The following CPQ variants were observed in gnomAD, a reference collection of about 807,000 sequenced individuals.
The protein encoded by CPQ is Ser-Met dipeptidase.
In CPQ, 37 loss-of-function variants were observed where a neutral mutation model predicts 45.7. The observed-to-expected ratio is 0.81, with a 90% CI of 0.62 to 1.07. The LOEUF is 1.07. Ranked by LOEUF, CPQ falls within the 50% of genes least tolerant of loss-of-function variation. CPQ has a pLI of 0.00. For missense variants in CPQ, 537 were observed against 572.9 expected (o/e 0.94, Z 0.64); for synonymous variants, 186 against 205.8 (o/e 0.90, Z 0.82).
At chr8:97,012,805 G>A (rs1262886445) in intron 5 of CPQ, among the ~76,000 whole-genome samples, 1 of 151,880 alleles carries the variant, frequency 6.6e-6, no homozygotes, top group African/African-American at 2.4e-5. Flanking sequence ...CCTTAGCAAT[G>A]TGAGGTGCAT....
intron 4 of CPQ, among the ~76,000 whole-genome samples, chr8:96,942,843 G>A (rs532657772): frequency 7.9e-5 from 12 of 152,284 alleles, no homozygotes; most frequent in African/African-American, 2.9e-4. Context: ...GCCACACTTG[G>A]AAAAATTCAG....
chr8:97,107,525 A>G (rs1390669777), intron 7 of CPQ, among the ~76,000 whole-genome samples: 2 of 152,254 alleles, frequency 1.3e-5, no homozygotes, highest in East Asian at 3.8e-4. Context: ...GTCCACCCTA[A>G]GGAAGATGGA....
intron 4 of CPQ, among the ~76,000 whole-genome samples, chr8:96,889,537 A>T (rs1812346786): frequency 6.6e-6 from 1 of 152,172 alleles, no homozygotes; most frequent in African/African-American, 2.4e-5. Context: ...AGAGTTTATT[A>T]AGGAGAATTG....
chr8:96,720,491 G>C (rs1809747924), intron 1 of CPQ, among the ~76,000 whole-genome samples: 1 of 152,184 alleles, frequency 6.6e-6, no homozygotes. Context: ...TGCTTTGCTG[G>C]AATGGTTCTG....
At position 96,946,380 on chromosome 8, in the gene CPQ, T is replaced by C. The variant is rs188982287; in HGVS notation, c.850-19555T>C. ...GACTTCTAGATTTAATGTATCACAT[T>C]TCACTAATTGAAAGAAAATTATTAT... On this transcript the variant is annotated intron_variant, in intron 4 of 7. Coordinates refer to ENST00000220763, the MANE Select transcript of CPQ (RefSeq NM_016134.4). Among the ~76,000 whole-genome samples the C allele has an allele frequency of 7.2e-4, 110 of 152,314 alleles. 1 individual carries two copies. The highest frequency in any genetic ancestry group is 2.6e-3 in the African/African-American group (109 of 41,578).
At chr8:97,071,528 C>G (rs77381698) in intron 7 of CPQ, among the ~76,000 whole-genome samples, 2,893 of 152,194 alleles carry the variant, frequency 0.019, 98 homozygotes, top group African/African-American at 0.066. Flanking sequence ...CTGTTTACTC[C>G]AAATCCCTGC....
chr8:97,110,225 C>T (rs976087113), intron 7 of CPQ, among the ~76,000 whole-genome samples: 1 of 152,166 alleles, frequency 6.6e-6, no homozygotes, highest in South Asian at 2.1e-4. Flanking sequence ...AATGGACTCA[C>T]ACACGGGTAT....
intron 4 of CPQ, among the ~76,000 whole-genome samples, chr8:96,884,534 CAA>C (rs971911834): frequency 4.3e-4 from 65 of 151,798 alleles, no homozygotes; most frequent in African/African-American, 1.4e-3. Context: ...GAAAAAAAGA[CAA>C]AGAGAGAGGG....
intron 1 of CPQ, among the ~76,000 whole-genome samples, chr8:96,712,765 A>G (rs1003701874): frequency 6.6e-6 from 1 of 152,192 alleles, no homozygotes; most frequent in African/African-American, 2.4e-5. Context: ...AGGGGCTGCC[A>G]TGAAGGTCTC....
intron 2 of CPQ, among the ~76,000 whole-genome samples, chr8:96,809,163 TATAC>T (rs988456784): frequency 2.0e-5 from 3 of 151,928 alleles, no homozygotes; most frequent in Non-Finnish European, 4.4e-5. Flanking sequence ...ATATGCTTAT[TATAC>T]ATATATTGAA....
intron 4 of CPQ, among the ~76,000 whole-genome samples, chr8:96,905,130 G>A (rs1023219870): frequency 5.9e-5 from 9 of 152,072 alleles, no homozygotes; most frequent in African/African-American, 1.2e-4. Flanking sequence ...AAGGCCAAGG[G>A]GAAGCAAGGC....
At chr8:97,127,253 G>A (rs1006861363) in intron 7 of CPQ, among the ~76,000 whole-genome samples, 8 of 152,116 alleles carry the variant, frequency 5.3e-5, no homozygotes, top group South Asian at 2.1e-4. Flanking sequence ...CAATACATAC[G>A]TCTGACAAAG....
chr8:96,763,966 C>T (rs73277772), intron 1 of CPQ, among the ~76,000 whole-genome samples: 3,083 of 152,212 alleles, frequency 0.02, 99 homozygotes, highest in African/African-American at 0.071. Flanking sequence ...TGAAAAACAA[C>T]TTGGCAGTTT....
chr8:97,000,549 T>C (rs1426002615), intron 5 of CPQ, among the ~76,000 whole-genome samples: 1 of 152,170 alleles, frequency 6.6e-6, no homozygotes, highest in Non-Finnish European at 1.5e-5. Context: ...CAGATGATTG[T>C]AGGTGCATGG....
chr8:96,974,744 A>G (rs1344171644), intron 5 of CPQ, among the ~76,000 whole-genome samples: 1 of 152,192 alleles, frequency 6.6e-6, no homozygotes, highest in African/African-American at 2.4e-5. Flanking sequence ...TGGAAATTAA[A>G]TAATCTGTTC....
At chr8:96,726,618 A>G (rs1162090089) in intron 1 of CPQ, among the ~76,000 whole-genome samples, 2 of 152,154 alleles carry the variant, frequency 1.3e-5, no homozygotes, top group Non-Finnish European at 2.9e-5. Context: ...TCTTAAGGAC[A>G]GTGCCAAGAG....
intron 5 of CPQ, among the ~76,000 whole-genome samples, chr8:97,010,721 T>C (rs948428896): frequency 1.3e-5 from 2 of 152,124 alleles, no homozygotes; most frequent in Non-Finnish European, 2.9e-5. Flanking sequence ...CAATTTTGAC[T>C]CTCCCTCTGG....
chr8:96,917,465 T>C (rs1264381063), intron 4 of CPQ, among the ~76,000 whole-genome samples: 9 of 152,144 alleles, frequency 5.9e-5, no homozygotes, highest in African/African-American at 2.2e-4. Context: ...TGGTCTTTTT[T>C]AGCCCTTCCT....
intron 1 of CPQ, among the ~76,000 whole-genome samples, chr8:96,707,028 T>C (rs1563474671): frequency 1.3e-5 from 2 of 152,154 alleles, no homozygotes; most frequent in Non-Finnish European, 2.9e-5. Flanking sequence ...TTGATTTAGT[T>C]ATATCTATGA....
Sources: allele counts gnomAD v4.1 joint callset (sites outside exome capture counted in the v4.1 genomes callset), GRCh38; gene constraint gnomAD v4.1.1; transcripts MANE v1.5; gene names NCBI Gene and HGNC (gene_info 2026-07-23, HGNC 2026-07-21).